KDR: variants seen among roughly 807,000 people sequenced by gnomAD.
KDR encodes the protein vascular endothelial growth factor receptor 2.
A neutral mutation model predicts 160.9 loss-of-function variants in KDR; 43 were observed. The ratio of observed to expected loss-of-function variants is 0.27; its 90% CI spans 0.21 to 0.34. The LOEUF is 0.34. Among genes scored for constraint, KDR ranks in the 10% least tolerant of loss-of-function variants. The pLI, the probability that KDR is intolerant of heterozygous loss-of-function variation, is 1.00. For synonymous variants in KDR, 617 were observed against 600.1 expected, an observed-to-expected ratio of 1.03 and a Z score of -0.41; for missense variants, 1,469 against 1,666.4, an observed-to-expected ratio of 0.88 and a Z score of 2.06.
Position 55,115,044 on chromosome 4 carries a change from T to G in KDR, c.490-2A>C. 6.2e-7 allele frequency: 1 copy of G among 1,611,960 alleles called. No individual in the cohort carries two copies. Among genetic ancestry groups the G allele is most frequent in the Non-Finnish European group, 8.5e-7 (1 of 1,178,288 alleles). On this transcript the variant is annotated splice_acceptor_variant, in intron 4 of 29. Transcript: ENST00000263923. LOFTEE classifies it high-confidence loss of function. Reference sequence around the variant, plus strand: ...AACAAATCTCTTTTCTGGGTATCTCTGGGTAATAAAAAGACATATCAAATA... The same window carrying G: ...AACAAATCTCTTTTCTGGGTATCTCGGGGTAATAAAAAGACATATCAAATA...
At chr4:55,106,603 A>G in intron 11 of KDR, 84 bp downstream of exon 11, 1 of 1,016,492 alleles carries the variant, frequency 9.8e-7, no homozygotes, top group Non-Finnish European at 1.6e-6. Context: ...TTTGATTATT[A>G]ATCTCCAATA....
At chr4:55,114,360 C>T (rs948868637) in intron 5 of KDR, 95 bp from the exon 6 acceptor site, 30 of 1,339,242 alleles carry the variant, frequency 2.2e-5, no homozygotes, top group Non-Finnish European at 3.1e-5. Flanking sequence ...AACTTTAAAA[C>T]ATGCCACATT....
At chr4:55,101,871 A>G (rs772564996) in intron 15 of KDR, 26 bp downstream of exon 15, 4 of 1,592,970 alleles carry the variant, frequency 2.5e-6, no homozygotes, top group Non-Finnish European at 3.4e-6. Context: ...GTGTATATGT[A>G]CCACATTTTT....
Position 55,113,307 on chromosome 4 carries a change from G to A in KDR, c.973C>T (p.His325Tyr), listed in dbSNP as rs765637938. ...AATTTCCAAGACCATAGCTTACCAT[G>A]GACCCTGACAAATGTGCTGTTCTTC... ...TKKNSTFVRVHEKPFVAFGSG... is the reference protein window; with the variant it reads ...TKKNSTFVRVYEKPFVAFGSG... The change falls in exon 7 of 30, where the codon CAT (histidine) becomes TAT (tyrosine). Residue 325 changes from histidine to tyrosine, a missense_variant. Transcript: ENST00000263923. 3.1e-6 allele frequency: 5 copies of A among 1,613,858 alleles called. No individual in the cohort carries two copies. In the South Asian group the frequency reaches 3.3e-5, roughly 11 times the overall value.
intron 4 of KDR, 47 bp downstream of exon 4, chr4:55,115,234 T>C: frequency 6.5e-7 from 1 of 1,534,900 alleles, no homozygotes; most frequent in Non-Finnish European, 9.0e-7. Flanking sequence ...TAATATTAGC[T>C]TAAAATTATA....
chr4:55,102,505 C>T lies in KDR; in HGVS notation c.1991G>A (p.Arg664His), dbSNP rs540277686. The T allele has an allele frequency of 1.5e-5, 24 of 1,613,538 alleles. No homozygotes were observed. The highest frequency in any genetic ancestry group is 1.6e-4 in the Middle Eastern group (1 of 6,078). Residue 664 changes from arginine to histidine, a missense_variant, in exon 14 of 30, where the codon CGT (arginine) becomes CAT (histidine). Physicochemically the swap from Arg to His is conservative, Grantham distance 29. Transcript: ENST00000263923. Reference sequence around the variant, plus strand: ...GTTTCCTGTGATCGTGGGTGCCACACGCTCTAGACACACAAAAAGAAAATC... The same window carrying T: ...GTTTCCTGTGATCGTGGGTGCCACATGCTCTAGACACACAAAAAGAAAATC... ...CVVRQLTVLE[R>H]VAPTITGNLE...
chr4:55,082,167 G>T, intron 28 of KDR, 126 bp from the exon 29 acceptor site: 1 of 778,558 alleles, frequency 1.3e-6, no homozygotes, highest in Non-Finnish European at 2.3e-6. Flanking sequence ...GAACATAAAG[G>T]TATCATAGCC....
chr4:55,098,014 A>C (rs1395617846), intron 17 of KDR, 123 bp downstream of exon 17: 1 of 1,308,674 alleles, frequency 7.6e-7, no homozygotes, highest in South Asian at 1.2e-5. Flanking sequence ...AAATTCAAGA[A>C]ATGGAATTAA....
In KDR at chr4:55,097,816, A is replaced by G. The variant is rs200665607; in HGVS notation, c.2510-50T>C. The G allele has an allele frequency of 6.1e-4, 784 of 1,288,370 alleles. 1 individual carries two copies. Among genetic ancestry groups the G allele is most frequent in the Non-Finnish European group, 7.8e-4 (693 of 886,474 alleles). The allele number at this position is 1,288,370 out of a possible 1,614,324, so 79.8% of individuals were successfully genotyped here. A position where few individuals can be genotyped will look rare whatever the true frequency, so the allele number is the denominator to read the frequency against. On this transcript the variant is annotated intron_variant, in intron 17 of 29. Coordinates refer to ENST00000263923, the MANE Select transcript of KDR (RefSeq NM_002253.4). Reference sequence around the variant, plus strand: ...AGAAAACAGACTTGGATTACTATACAACCAAAGTGATACGCAGAGACATCA... The same window carrying G: ...AGAAAACAGACTTGGATTACTATACGACCAAAGTGATACGCAGAGACATCA...
intron 1 of KDR, among the ~76,000 whole-genome samples, chr4:55,122,186 C>T (rs1251599385): frequency 6.6e-6 from 1 of 152,108 alleles, no homozygotes; most frequent in Non-Finnish European, 1.5e-5. Context: ...AGTACCATGG[C>T]ATAGATTCCT....
At chr4:55,110,828 T>A in intron 7 of KDR, 60 bp from the exon 8 acceptor site, 1 of 1,397,436 alleles carries the variant, frequency 7.2e-7, no homozygotes, top group South Asian at 1.2e-5. Context: ...TTGATTTAGT[T>A]TTTCATTTCA....
chr4:55,113,892 G>T (rs1048776056), intron 6 of KDR, among the ~76,000 whole-genome samples: 16 of 152,162 alleles, frequency 1.1e-4, no homozygotes, highest in African/African-American at 3.9e-4. Context: ...TCATAGCCTG[G>T]CTATTGCAGA....
At chr4:55,115,490 T>G in intron 3 of KDR, 79 bp from the exon 4 acceptor site, 1 of 783,084 alleles carries the variant, frequency 1.3e-6, no homozygotes, top group Non-Finnish European at 2.3e-6. Flanking sequence ...TCCTAAACTC[T>G]AACCAGACAA....
chr4:55,106,912 A>G, intron 10 of KDR, 102 bp from the exon 11 acceptor site: 1 of 1,047,960 alleles, frequency 9.5e-7, no homozygotes, highest in South Asian at 1.3e-5. Flanking sequence ...GTTCTTAGAA[A>G]TAACTTCCAA....
At position 55,097,104 on chromosome 4, in the gene KDR, G is replaced by T. The variant is rs78845851; in HGVS notation, c.2614+558C>A. Among the ~76,000 whole-genome samples, 1,114 of 152,174 alleles carry T rather than the reference G, an allele frequency of 7.3e-3. 16 individuals carry two copies. The highest frequency in any genetic ancestry group is 0.026 in the African/African-American group (1,074 of 41,504). ...CTGTCTAACCTCCTAAAATGAAAATGGCCAGACCAGAATTCCGTTACTATT... is the reference window on the plus strand; with the variant it reads ...CTGTCTAACCTCCTAAAATGAAAATTGCCAGACCAGAATTCCGTTACTATT... On this transcript the variant is annotated intron_variant, in intron 18 of 29. Coordinates refer to ENST00000263923, the MANE Select transcript of KDR (RefSeq NM_002253.4).
intron 27 of KDR, among the ~76,000 whole-genome samples, chr4:55,085,962 C>T (rs1719853399): frequency 6.6e-6 from 1 of 152,226 alleles, no homozygotes; most frequent in Non-Finnish European, 1.5e-5. Flanking sequence ...GATCATCACT[C>T]TACTTGGTCA....
chr4:55,121,754 A>T (rs2110036773), intron 1 of KDR, among the ~76,000 whole-genome samples: 1 of 152,312 alleles, frequency 6.6e-6, no homozygotes, highest in South Asian at 2.1e-4. Context: ...AAGACTGTAC[A>T]TTAAAAGCAA....
intron 1 of KDR, among the ~76,000 whole-genome samples, chr4:55,123,449 T>G (rs1225372180): frequency 1.3e-5 from 2 of 152,238 alleles, no homozygotes; most frequent in East Asian, 3.8e-4. Flanking sequence ...CACACTTTCC[T>G]GTGTAACAAA....
At chr4:55,112,207 C>T (rs2110029365) in intron 7 of KDR, among the ~76,000 whole-genome samples, 1 of 152,248 alleles carries the variant, frequency 6.6e-6, no homozygotes, top group African/African-American at 2.4e-5. Context: ...AGCAGATTTT[C>T]TTCCACCTCT....
Sources: gnomAD v4.1 joint callset for allele counts (sites outside exome capture counted in the v4.1 genomes callset) on GRCh38, gnomAD v4.1.1 for gene constraint, MANE v1.5 for transcripts, NCBI Gene and HGNC (gene_info 2026-07-23, HGNC 2026-07-21) for gene names.